The following EYA4 variants were observed in gnomAD, a reference collection of about 807,000 sequenced individuals.
The protein encoded by EYA4 is EYA transcriptional coactivator and phosphatase 4.
Under a neutral mutation model 87.9 loss-of-function variants are expected in EYA4, and 31 were observed. The ratio of observed to expected loss-of-function variants is 0.35; its 90% CI spans 0.27 to 0.48. The LOEUF is 0.48. Ranked by LOEUF, EYA4 falls within the 20% of genes least tolerant of loss-of-function variation. The pLI is 0.99. For missense variants in EYA4, 678 were observed against 761.4 expected (o/e 0.89, Z 1.29); for synonymous variants, 263 against 270.6 (o/e 0.97, Z 0.28).
At chr6:133,420,768 T>C (rs1406672762) in intron 3 of EYA4, among the ~76,000 whole-genome samples, 1 of 152,224 alleles carries the variant, frequency 6.6e-6, no homozygotes, top group African/African-American at 2.4e-5. Flanking sequence ...CTCCATGGCA[T>C]AACTGCATTT....
intron 2 of EYA4, among the ~76,000 whole-genome samples, chr6:133,312,032 G>T (rs971109833): frequency 2.0e-5 from 3 of 152,158 alleles, no homozygotes; most frequent in Non-Finnish European, 4.4e-5. Context: ...GCAGGTAACA[G>T]TGAAGTCTTA....
chr6:133,441,853 T>C (rs990970430), intron 3 of EYA4, among the ~76,000 whole-genome samples: 3 of 152,060 alleles, frequency 2.0e-5, no homozygotes, highest in Non-Finnish European at 4.4e-5. Flanking sequence ...GGAAGTTAAG[T>C]TTAAAAGTAG....
chr6:133,429,091 T>C (rs1046170600), intron 3 of EYA4, among the ~76,000 whole-genome samples: 2 of 151,478 alleles, frequency 1.3e-5, no homozygotes, highest in Non-Finnish European at 2.9e-5. Flanking sequence ...CACACCCGAC[T>C]AATTTTTGTA....
chr6:133,371,702 G>A (rs908304102), intron 2 of EYA4, among the ~76,000 whole-genome samples: 3 of 152,070 alleles, frequency 2.0e-5, no homozygotes, highest in South Asian at 2.1e-4. Flanking sequence ...CCCTGTAGAG[G>A]GAGATGGTTG....
intron 2 of EYA4, among the ~76,000 whole-genome samples, chr6:133,281,735 C>G (rs1193467220): frequency 1.3e-5 from 2 of 152,120 alleles, no homozygotes; most frequent in Non-Finnish European, 2.9e-5. Context: ...GAGAATAATA[C>G]CCAACTGGTA....
At chr6:133,406,812 T>C (rs1025657091) in intron 3 of EYA4, among the ~76,000 whole-genome samples, 2 of 152,204 alleles carry the variant, frequency 1.3e-5, no homozygotes, top group Non-Finnish European at 2.9e-5. Context: ...AAATGAAATG[T>C]ATGAAATCTG....
At chr6:133,526,806 C>G (rs1282646859) in intron 19 of EYA4, among the ~76,000 whole-genome samples, 1 of 152,152 alleles carries the variant, frequency 6.6e-6, no homozygotes, top group Non-Finnish European at 1.5e-5. Flanking sequence ...CTTATTGGCA[C>G]CATAGTTATA....
intron 13 of EYA4, among the ~76,000 whole-genome samples, chr6:133,500,145 C>T (rs1403190476): frequency 6.6e-6 from 1 of 151,596 alleles, no homozygotes; most frequent in Non-Finnish European, 1.5e-5. Context: ...CTGTCATCTG[C>T]TGACTCTCAA....
chr6:133,407,478 A>G (rs916566329), intron 3 of EYA4, among the ~76,000 whole-genome samples: 2 of 152,052 alleles, frequency 1.3e-5, no homozygotes, highest in African/African-American at 4.8e-5. Flanking sequence ...TGGAGCCTTC[A>G]GATTTTTCCC....
intron 14 of EYA4, among the ~76,000 whole-genome samples, chr6:133,509,483 C>G (rs557048669): frequency 1.3e-5 from 2 of 151,978 alleles, no homozygotes; most frequent in African/African-American, 4.8e-5. Context: ...AGCAGCTGTT[C>G]CTCACATAAT....
chr6:133,271,830 C>G (rs1776716011), intron 1 of EYA4, among the ~76,000 whole-genome samples: 1 of 152,100 alleles, frequency 6.6e-6, no homozygotes, highest in Non-Finnish European at 1.5e-5. Flanking sequence ...ATGGGTCATC[C>G]TATCCACTTG....
intron 2 of EYA4, among the ~76,000 whole-genome samples, chr6:133,381,578 T>C (rs1239394216): frequency 6.6e-6 from 1 of 152,158 alleles, no homozygotes; most frequent in Non-Finnish European, 1.5e-5. Context: ...TATTGAAATA[T>C]GAACACCCAG....
chr6:133,365,849 A>G (rs1244643599), intron 2 of EYA4, among the ~76,000 whole-genome samples: 1 of 152,106 alleles, frequency 6.6e-6, no homozygotes, highest in Non-Finnish European at 1.5e-5. Flanking sequence ...TATGAAGGGC[A>G]TGATCCCAGA....
intron 3 of EYA4, among the ~76,000 whole-genome samples, chr6:133,435,723 C>T (rs954754674): frequency 1.3e-5 from 2 of 152,138 alleles, no homozygotes; most frequent in African/African-American, 4.8e-5. Flanking sequence ...TGATACACAG[C>T]AGTGGCATGT....
intron 2 of EYA4, among the ~76,000 whole-genome samples, chr6:133,288,185 A>G (rs1582856060): frequency 6.6e-6 from 1 of 152,126 alleles, no homozygotes; most frequent in Admixed American, 6.5e-5. Context: ...AAATGTGAAA[A>G]CAGCTGTAGA....
intron 2 of EYA4, among the ~76,000 whole-genome samples, chr6:133,334,730 A>G (rs948743016): frequency 6.6e-6 from 1 of 152,206 alleles, no homozygotes; most frequent in Non-Finnish European, 1.5e-5. Context: ...AGACTATTGA[A>G]AATAAGCCTA....
At chr6:133,464,903 T>C (rs1016353347) in intron 10 of EYA4, 45 bp downstream of exon 10, 1 of 1,348,424 alleles carries the variant, frequency 7.4e-7, no homozygotes, top group African/African-American at 1.4e-5. Flanking sequence ...GTATTTCAGA[T>C]TTTTGAAGAG....
intron 1 of EYA4, 120 bp from the exon 2 acceptor site, chr6:133,274,596 C>G: frequency 1.6e-6 from 1 of 607,966 alleles, no homozygotes; most frequent in Non-Finnish European, 2.9e-6. Flanking sequence ...GGATTTTCTT[C>G]TTGAGAGAAT....
Position 133,325,701 on chromosome 6 carries a change from A to C in EYA4, c.33+50888A>C, listed in dbSNP as rs1022923032. Among the ~76,000 whole-genome samples the C allele has an allele frequency of 5.3e-5, 8 of 152,326 alleles. No homozygotes were observed. In the East Asian group the frequency reaches 1.5e-3, roughly 29 times the overall value. On this transcript the variant is annotated intron_variant, in intron 2 of 19. Coordinates refer to ENST00000355286, the MANE Select transcript of EYA4 (RefSeq NM_004100.5). ...GGAAAGACTGATATTTCTCTAAGGC[A>C]GGGGTCAGCAGATGTTTTTTGTAAG... is the stretch of plus-strand genomic sequence containing the variant.
Sources: allele counts gnomAD v4.1 joint callset (sites outside exome capture counted in the v4.1 genomes callset), GRCh38; gene constraint gnomAD v4.1.1; transcripts MANE v1.5; gene names NCBI Gene and HGNC (gene_info 2026-07-23, HGNC 2026-07-21).